ADCY1: variants seen among roughly 807,000 people sequenced by gnomAD.
The protein encoded by ADCY1 is adenylate cyclase 1.
In ADCY1, 28 loss-of-function variants were observed where a neutral mutation model predicts 105.4. That is an observed-to-expected ratio of 0.27 (90% CI 0.20 to 0.36). The LOEUF is 0.36. ADCY1 is among the 10% of genes least tolerant of loss of function. The pLI, the probability that ADCY1 is intolerant of heterozygous loss-of-function variation, is 1.00. For synonymous variants in ADCY1, 655 were observed against 623.8 expected, an observed-to-expected ratio of 1.05 and a Z score of -0.75; for missense variants, 977 against 1,434.2, an observed-to-expected ratio of 0.68 and a Z score of 5.15.
chr7:45,610,887 A>ATAG (rs1793553461), intron 3 of ADCY1, among the ~76,000 whole-genome samples: 1 of 96,624 alleles, frequency 1.0e-5, no homozygotes, highest in African/African-American at 4.1e-5. Context: ...TGGGAAGGTG[A>ATAG]TGGTGGAGGT....
At chr7:45,659,023 G>A (rs944220170) in intron 6 of ADCY1, among the ~76,000 whole-genome samples, 1 of 152,210 alleles carries the variant, frequency 6.6e-6, no homozygotes, top group Non-Finnish European at 1.5e-5. Context: ...GGGACAAGCT[G>A]AGGCTGGAGT....
At chr7:45,701,743 G>A (rs1427943102) in intron 14 of ADCY1, among the ~76,000 whole-genome samples, 1 of 152,152 alleles carries the variant, frequency 6.6e-6, no homozygotes, top group Non-Finnish European at 1.5e-5. Flanking sequence ...GACCATCTGA[G>A]GCTGGAAATT....
chr7:45,642,019 G>A (rs754384788), intron 4 of ADCY1, among the ~76,000 whole-genome samples: 37 of 151,704 alleles, frequency 2.4e-4, no homozygotes, highest in Middle Eastern at 3.4e-3. Flanking sequence ...ATTGTCTTGC[G>A]AGATTTTAAT....
chr7:45,574,197 G>A, upstream of ADCY1: 1 of 956,648 alleles, frequency 1.0e-6, no homozygotes, highest in Non-Finnish European at 1.2e-6. The surrounding 1 kb of genome is among the most constrained non-coding windows in gnomAD (Gnocchi z 7.0). Flanking sequence ...AGGTACTCGA[G>A]GTCACGCGGC....
At chr7:45,640,256 G>A (rs1273455354) in intron 4 of ADCY1, among the ~76,000 whole-genome samples, 2 of 152,194 alleles carry the variant, frequency 1.3e-5, no homozygotes, top group Non-Finnish European at 2.9e-5. Flanking sequence ...GCCTTCATTT[G>A]CAGGGTGCCA....
rs1229669305 is a variant in ADCY1 at position 45,717,116 on chromosome 7, G to A, written c.*3121G>A. 2 of 152,274 alleles carry A rather than the reference G, an allele frequency of 1.3e-5. No homozygotes were observed. The highest frequency in any genetic ancestry group is 4.8e-5 in the African/African-American group (2 of 41,462). 9.4% of individuals were successfully genotyped at this position (152,274 alleles called of 1,614,324 possible). A position where few individuals can be genotyped will look rare whatever the true frequency, so the allele number is the denominator to read the frequency against. ...AGAAGAGAGCCAGCCACGCCATGCT[G>A]TGCCTGGGGTCCACAGAGCCGGGAG... On this transcript the variant is annotated 3_prime_UTR_variant, in exon 20 of 20. Coordinates refer to ENST00000297323, the MANE Select transcript of ADCY1 (RefSeq NM_021116.4).
At chr7:45,706,318 C>G (rs1785115505) in intron 17 of ADCY1, among the ~76,000 whole-genome samples, 1 of 152,060 alleles carries the variant, frequency 6.6e-6, no homozygotes, top group Non-Finnish European at 1.5e-5. Context: ...GTAATCAAGA[C>G]AGCGTGGTAT....
intron 14 of ADCY1, among the ~76,000 whole-genome samples, chr7:45,701,725 G>A (rs1784999975): frequency 6.6e-6 from 1 of 152,152 alleles, no homozygotes; most frequent in African/African-American, 2.4e-5. Context: ...GTTGAAAGCA[G>A]CCCCGGAGAC....
intron 1 of ADCY1, among the ~76,000 whole-genome samples, chr7:45,589,829 G>A (rs1471877444): frequency 2.6e-5 from 4 of 152,030 alleles, no homozygotes; most frequent in African/African-American, 9.7e-5. Context: ...AGCTCCTAGA[G>A]GAGTGGGTTG....
In ADCY1 at chr7:45,575,017, C is replaced by T. The variant is rs879115647; in HGVS notation, c.474C>T (p.Thr158=). 6.2e-7 allele frequency: 1 copy of T among 1,611,804 alleles called. No individual in the cohort carries two copies. The highest frequency in any genetic ancestry group is 8.5e-7 in the Non-Finnish European group (1 of 1,179,532). Residue 158 remains threonine (T), a synonymous_variant, in exon 1 of 20, where the codon ACC becomes ACT. Transcript: ENST00000297323. This position sits in a 1 kb window ranked among gnomAD's most constrained non-coding sequence, Gnocchi z 4.7. The part of the protein sequence containing the change: ...GSAGAAGGPA[T]AEQGVWQLLL... Reference sequence around the variant, plus strand: ...CCGGGGCCGCTGGGGGGCCAGCGACCGCCGAACAAGGGGTTTGGCAGCTCC... The same window carrying T: ...CCGGGGCCGCTGGGGGGCCAGCGACTGCCGAACAAGGGGTTTGGCAGCTCC...
At chr7:45,678,769 C>A (rs1784508220) in intron 10 of ADCY1, among the ~76,000 whole-genome samples, 1 of 151,572 alleles carries the variant, frequency 6.6e-6, no homozygotes, top group African/African-American at 2.4e-5. Context: ...TTGTAGTAGT[C>A]CCAGCTACTC....
chr7:45,660,424 A>G (rs1485464722), intron 7 of ADCY1, among the ~76,000 whole-genome samples: 1 of 152,218 alleles, frequency 6.6e-6, no homozygotes, highest in Non-Finnish European at 1.5e-5. Flanking sequence ...ACCTCGGGGC[A>G]GGCCGTTCTG....
intron 3 of ADCY1, among the ~76,000 whole-genome samples, chr7:45,610,977 T>C (rs1793564454): frequency 6.2e-5 from 7 of 113,036 alleles, no homozygotes; most frequent in South Asian, 2.8e-4. Flanking sequence ...ATGGTGGAGG[T>C]GGGGGGTGAT....
At chr7:45,581,871 A>C (rs1457699809) in intron 1 of ADCY1, among the ~76,000 whole-genome samples, 1 of 152,066 alleles carries the variant, frequency 6.6e-6, no homozygotes. Flanking sequence ...GCACATACCC[A>C]CACAAAAATC....
intron 14 of ADCY1, among the ~76,000 whole-genome samples, chr7:45,694,075 C>G (rs534757853): frequency 3.1e-5 from 4 of 128,216 alleles, no homozygotes; most frequent in Non-Finnish European, 6.4e-5. Context: ...TGTAACTAAG[C>G]TGCACAATGT....
rs116636770 is a variant in ADCY1 at position 45,579,991 on chromosome 7, G to A, written c.639+4809G>A. On this transcript the variant is annotated intron_variant, in intron 1 of 19. Transcript: ENST00000297323. ...CCTCGCCCCCATTTTTGTTTTTCTCGTAGGGGTGGGTGGTCCCCTGGTCCA... is the reference window on the plus strand; with the variant it reads ...CCTCGCCCCCATTTTTGTTTTTCTCATAGGGGTGGGTGGTCCCCTGGTCCA... Among the ~76,000 whole-genome samples the A allele has an allele frequency of 2.5e-3, 282 of 114,838 alleles. 1 individual carries two copies. Among genetic ancestry groups the A allele is most frequent in the African/African-American group, 9.1e-3 (265 of 29,172 alleles). 75.3% of individuals were successfully genotyped at this position (114,838 alleles called of 152,430 possible).
In ADCY1 at chr7:45,601,711, C is replaced by T. The variant is rs563950099; in HGVS notation, c.790-8668C>T. 1.4e-3 allele frequency among the ~76,000 whole-genome samples: 213 copies of T among 152,176 alleles called. 1 individual carries two copies. The highest frequency in any genetic ancestry group is 0.01 in the Middle Eastern group (3 of 294). The stretch of plus-strand genomic sequence containing the variant: ...TTTGGCCCAGTGCTCCCAGCGGTGG[C>T]CTCTTTGTGTGTGCATCTCATACAC... On this transcript the variant is annotated intron_variant, in intron 2 of 19. Coordinates refer to ENST00000297323, the MANE Select transcript of ADCY1 (RefSeq NM_021116.4).
In ADCY1 at chr7:45,704,544, C is replaced by T. The variant is rs1291921301; in HGVS notation, c.2745C>T (p.Asp915=). 20 of 1,614,198 alleles carry T rather than the reference C, an allele frequency of 1.2e-5. No homozygotes were observed. The highest frequency in any genetic ancestry group is 1.7e-5 in the Non-Finnish European group (20 of 1,180,010). The change falls in exon 17 of 20, where the codon GAC becomes GAT. Residue 915 remains aspartate, a synonymous_variant. Coordinates refer to ENST00000297323, the MANE Select transcript of ADCY1 (RefSeq NM_021116.4). Reference sequence around the variant, plus strand: ...TCATGGAAAAAGACTTTTACAAGGACATAGAGAAGATCAAGACCATCGGGA... The same window carrying T: ...TCATGGAAAAAGACTTTTACAAGGATATAGAGAAGATCAAGACCATCGGGA... The part of the protein sequence containing the change: ...DELMEKDFYK[D]IEKIKTIGST...
intron 14 of ADCY1, among the ~76,000 whole-genome samples, chr7:45,696,077 C>A (rs1229433345): frequency 6.6e-6 from 1 of 152,194 alleles, no homozygotes; most frequent in Non-Finnish European, 1.5e-5. Context: ...ACCGGACATC[C>A]CCTAGGACAT....
Sources: allele counts gnomAD v4.1 joint callset (sites outside exome capture counted in the v4.1 genomes callset), GRCh38; gene constraint gnomAD v4.1.1; non-coding constraint Gnocchi (gnomAD v3.1); transcripts MANE v1.5; gene names NCBI Gene and HGNC (gene_info 2026-07-23, HGNC 2026-07-21).